Variants in SLC4A10 observed in about 807,000 individuals in gnomAD.
SLC4A10 encodes the protein sodium-driven chloride bicarbonate exchanger.
SLC4A10 carries 42 observed loss-of-function variants against 137.7 expected under a neutral mutation model. The ratio of observed to expected loss-of-function variants is 0.30; its 90% CI spans 0.24 to 0.39. The LOEUF is 0.39. Ranked by LOEUF, SLC4A10 falls within the 10% of genes least tolerant of loss-of-function variation. SLC4A10 has a pLI of 1.00. For missense variants in SLC4A10, 925 were observed against 1,355.0 expected (o/e 0.68, Z 4.98); for synonymous variants, 474 against 464.1 (o/e 1.02, Z -0.27).
chr2:161,738,345 G>A (rs979158392), intron 1 of SLC4A10, among the ~76,000 whole-genome samples: 2 of 152,160 alleles, frequency 1.3e-5, no homozygotes, highest in Admixed American at 1.3e-4. Context: ...TTAACAAATT[G>A]GGCAGGCCTC....
intron 7 of SLC4A10, among the ~76,000 whole-genome samples, chr2:161,872,984 G>T (rs1414261604): frequency 6.6e-6 from 1 of 152,142 alleles, no homozygotes; most frequent in Non-Finnish European, 1.5e-5. Context: ...AAAGTGCTGG[G>T]ATTACAGGCG....
intron 1 of SLC4A10, among the ~76,000 whole-genome samples, chr2:161,651,714 G>A (rs1439027556): frequency 6.6e-6 from 1 of 152,224 alleles, no homozygotes; most frequent in Non-Finnish European, 1.5e-5. Flanking sequence ...TTGTGCCGGC[G>A]CCTGGAGCTG....
At chr2:161,872,801 C>T (rs1310281023) in intron 7 of SLC4A10, among the ~76,000 whole-genome samples, 1 of 152,182 alleles carries the variant, frequency 6.6e-6, no homozygotes, top group Admixed American at 6.5e-5. Flanking sequence ...GCAACCTCCG[C>T]CTCCTGGGTT....
chr2:161,966,855 T>A (rs1232132753), intron 23 of SLC4A10, among the ~76,000 whole-genome samples: 1 of 152,164 alleles, frequency 6.6e-6, no homozygotes, highest in African/African-American at 2.4e-5. Flanking sequence ...ATGGTATAAT[T>A]TGGCACAAGT....
intron 3 of SLC4A10, among the ~76,000 whole-genome samples, chr2:161,808,135 A>G (rs1472573876): frequency 6.6e-6 from 1 of 152,102 alleles, no homozygotes; most frequent in Non-Finnish European, 1.5e-5. Flanking sequence ...GTTGATATTT[A>G]ATGAGAATGT....
intron 1 of SLC4A10, among the ~76,000 whole-genome samples, chr2:161,713,949 G>A (rs947259841): frequency 5.9e-5 from 9 of 151,668 alleles, no homozygotes; most frequent in Middle Eastern, 3.2e-3. Context: ...GCAGGAAGAC[G>A]TCATTTGTAC....
chr2:161,660,623 T>TCTTTCTTC (rs1433250608), intron 1 of SLC4A10, among the ~76,000 whole-genome samples: 3 of 136,790 alleles, frequency 2.2e-5, no homozygotes, highest in Non-Finnish European at 4.8e-5. Flanking sequence ...TTTCTTTCTT[T>TCTTTCTTC]CTTCCTTTCC....
intron 1 of SLC4A10, among the ~76,000 whole-genome samples, chr2:161,744,244 A>T (rs1255479193): frequency 1.3e-5 from 2 of 152,128 alleles, no homozygotes; most frequent in Non-Finnish European, 2.9e-5. Context: ...TTCCCCATGT[A>T]GTATGATACT....
At chr2:161,880,023 A>G (rs1026069100) in intron 9 of SLC4A10, among the ~76,000 whole-genome samples, 2 of 152,282 alleles carry the variant, frequency 1.3e-5, no homozygotes, top group East Asian at 1.9e-4. Flanking sequence ...GAAAGGAAAC[A>G]CAGAATATTG....
chr2:161,930,891 A>C (rs1461501688), intron 15 of SLC4A10, among the ~76,000 whole-genome samples: 1 of 149,678 alleles, frequency 6.7e-6, no homozygotes, highest in Admixed American at 6.7e-5. Context: ...TCTTCATCTC[A>C]TTCTGCCACA....
At chr2:161,774,618 C>T (rs1032441459) in intron 2 of SLC4A10, among the ~76,000 whole-genome samples, 4 of 151,800 alleles carry the variant, frequency 2.6e-5, no homozygotes, top group Non-Finnish European at 4.4e-5. Context: ...ATGAGTACAA[C>T]TCAATGAGTA....
At chr2:161,914,053 A>C (rs572507245) in intron 15 of SLC4A10, among the ~76,000 whole-genome samples, 5 of 152,304 alleles carry the variant, frequency 3.3e-5, no homozygotes, top group Non-Finnish European at 7.4e-5. Flanking sequence ...AGTGGAAGAA[A>C]CATTTCCCTT....
At chr2:161,781,840 G>A (rs971081582) in intron 2 of SLC4A10, among the ~76,000 whole-genome samples, 13 of 152,016 alleles carry the variant, frequency 8.6e-5, no homozygotes, top group African/African-American at 1.2e-4. Context: ...CAGATCCATC[G>A]AAGCTGGTGA....
chr2:161,938,762 G>T (rs905096378), intron 15 of SLC4A10, among the ~76,000 whole-genome samples: 2 of 149,334 alleles, frequency 1.3e-5, no homozygotes, highest in African/African-American at 4.9e-5. Flanking sequence ...GAGATAATTT[G>T]TACACTCTGA....
intron 1 of SLC4A10, among the ~76,000 whole-genome samples, chr2:161,655,262 G>T (rs2037349674): frequency 6.6e-6 from 1 of 151,940 alleles, no homozygotes; most frequent in African/African-American, 2.4e-5. Context: ...CAGTTTTTTG[G>T]TGGGATATTT....
chr2:161,815,683 T>G (rs955342630), intron 3 of SLC4A10, among the ~76,000 whole-genome samples: 1 of 152,182 alleles, frequency 6.6e-6, no homozygotes, highest in African/African-American at 2.4e-5. Flanking sequence ...TCAAGGATTT[T>G]TATTTAATTA....
At chr2:161,916,813 C>G (rs1315776228) in intron 15 of SLC4A10, among the ~76,000 whole-genome samples, 1 of 152,192 alleles carries the variant, frequency 6.6e-6, no homozygotes, top group Non-Finnish European at 1.5e-5. Flanking sequence ...TTCAAAATCA[C>G]CTACTCGAGA....
intron 1 of SLC4A10, among the ~76,000 whole-genome samples, chr2:161,660,661 C>CTTCTTTCTTTCTTTCTT (rs1558970156): frequency 7.7e-6 from 1 of 130,054 alleles, no homozygotes; most frequent in Admixed American, 7.6e-5. Context: ...TCTTTCTTTC[C>CTTCTTTCTTTCTTTCTT]TTTTTTTTTT....
At chr2:161,719,720 A>G (rs1325495701) in intron 1 of SLC4A10, among the ~76,000 whole-genome samples, 3 of 152,088 alleles carry the variant, frequency 2.0e-5, no homozygotes, top group Non-Finnish European at 2.9e-5. Flanking sequence ...ATGTCTGTTC[A>G]TATCCTTGGC....
Sources: gnomAD v4.1 joint callset for allele counts (sites outside exome capture counted in the v4.1 genomes callset) on GRCh38, gnomAD v4.1.1 for gene constraint, MANE v1.5 for transcripts, NCBI Gene and HGNC (gene_info 2026-07-23, HGNC 2026-07-21) for gene names.